The following FOXP1 variants were observed in gnomAD, a reference collection of about 807,000 sequenced individuals.
FOXP1 encodes the protein forkhead box protein P1.
FOXP1 carries 15 observed loss-of-function variants against 98.2 expected under a neutral mutation model. The observed-to-expected ratio is 0.15, with a 90% CI of 0.10 to 0.24. FOXP1 has a LOEUF of 0.24. Ranked by LOEUF, FOXP1 falls within the 10% of genes least tolerant of loss-of-function variation. FOXP1 has a pLI of 1.00. For synonymous variants in FOXP1, 371 were observed against 314.5 expected, an observed-to-expected ratio of 1.18 and a Z score of -1.90; for missense variants, 633 against 848.5, an observed-to-expected ratio of 0.75 and a Z score of 3.15.
rs138521324 is a variant in FOXP1, at chr3:71,500,098, A to C, written c.-297-6543T>G. On this transcript the variant is annotated intron_variant, in intron 2 of 20. Transcript: ENST00000649528. ...CCATTTAACTAACTTTGTTTCAGTG[A>C]AGTTCCCTAAAACTAACCAATCACT... Among the ~76,000 whole-genome samples the C allele has an allele frequency of 5.7e-3, 862 of 152,336 alleles. 4 individuals carry two copies. The highest frequency in any genetic ancestry group is 8.5e-3 in the Non-Finnish European group (578 of 68,022).
At chr3:71,166,302 G>C (rs749040703) in intron 6 of FOXP1, among the ~76,000 whole-genome samples, 15 of 152,144 alleles carry the variant, frequency 9.9e-5, no homozygotes, top group Non-Finnish European at 2.2e-4. Flanking sequence ...GACAAGAGCC[G>C]CTAGCGTGAC....
chr3:71,428,936 C>T (rs1211934151), intron 3 of FOXP1, among the ~76,000 whole-genome samples: 2 of 152,204 alleles, frequency 1.3e-5, no homozygotes, highest in African/African-American at 2.4e-5. Flanking sequence ...CCGTTCAGCT[C>T]GTCCATTCTA....
intron 5 of FOXP1, among the ~76,000 whole-genome samples, chr3:71,242,271 C>G (rs553799232): frequency 1.3e-5 from 2 of 152,228 alleles, no homozygotes; most frequent in South Asian, 4.1e-4. Flanking sequence ...TCATTCCAGC[C>G]CAAAGAGGGA....
chr3:71,542,638 C>T (rs2044951814), intron 2 of FOXP1, among the ~76,000 whole-genome samples: 1 of 152,234 alleles, frequency 6.6e-6, no homozygotes. Flanking sequence ...TGTGCCACAT[C>T]TGCAGTTGAT....
At chr3:71,560,215 A>G (rs1330205981) in intron 2 of FOXP1, among the ~76,000 whole-genome samples, 1 of 152,184 alleles carries the variant, frequency 6.6e-6, no homozygotes, top group Non-Finnish European at 1.5e-5. Flanking sequence ...TTTTCGCATC[A>G]TTATTGTCAC....
At chr3:71,555,337 A>G (rs1261536047) in intron 2 of FOXP1, among the ~76,000 whole-genome samples, 4 of 152,314 alleles carry the variant, frequency 2.6e-5, no homozygotes, top group African/African-American at 4.8e-5. Flanking sequence ...GGTGTTCATA[A>G]TGGTGTGCAC....
At chr3:71,074,269 G>T (rs566985991) in intron 7 of FOXP1, among the ~76,000 whole-genome samples, 2 of 152,186 alleles carry the variant, frequency 1.3e-5, no homozygotes, top group South Asian at 4.1e-4. Flanking sequence ...GCTCTCTCAT[G>T]CAGGCTGGAG....
intron 3 of FOXP1, among the ~76,000 whole-genome samples, chr3:71,440,991 A>G (rs1429927984): frequency 6.6e-5 from 10 of 152,238 alleles, no homozygotes; most frequent in Non-Finnish European, 1.2e-4. Flanking sequence ...TGCACCAGGT[A>G]TATGTTAGGA....
chr3:71,331,643 A>C (rs1426192034), intron 4 of FOXP1, among the ~76,000 whole-genome samples: 15 of 152,156 alleles, frequency 9.9e-5, no homozygotes, highest in Admixed American at 9.8e-4. Context: ...ATCTAGCTCA[A>C]GGTTTGTAAA....
chr3:71,375,580 A>G (rs1429980001), intron 3 of FOXP1, among the ~76,000 whole-genome samples: 8 of 152,230 alleles, frequency 5.3e-5, no homozygotes, highest in African/African-American at 1.9e-4. Context: ...TAAATGTTCC[A>G]TATCTGAGAA....
chr3:71,097,135 T>C (rs554137909), intron 7 of FOXP1, among the ~76,000 whole-genome samples: 46 of 152,224 alleles, frequency 3.0e-4, no homozygotes, highest in Non-Finnish European at 6.3e-4. Flanking sequence ...TCATATCCAG[T>C]CATCTAAAGC....
intron 20 of FOXP1, among the ~76,000 whole-genome samples, chr3:70,964,641 T>C (rs796999815): frequency 1.3e-5 from 2 of 152,328 alleles, no homozygotes; most frequent in African/African-American, 4.8e-5. Flanking sequence ...AACACTAAGT[T>C]GCTTTGGAAA....
intron 7 of FOXP1, among the ~76,000 whole-genome samples, chr3:71,061,816 A>C (rs1326564695): frequency 6.6e-6 from 1 of 152,166 alleles, no homozygotes; most frequent in Non-Finnish European, 1.5e-5. Flanking sequence ...AAATTCCTCC[A>C]ACCTTCGTTT....
intron 5 of FOXP1, among the ~76,000 whole-genome samples, chr3:71,233,363 G>A (rs975984144): frequency 2.0e-5 from 3 of 152,054 alleles, no homozygotes; most frequent in African/African-American, 7.2e-5. Flanking sequence ...CTGAGCTTCT[G>A]TAAATCCACA....
rs937379781 is a variant in FOXP1, at chr3:71,123,998, A to G, written c.181-11361T>C. Among the ~76,000 whole-genome samples the G allele has an allele frequency of 4.6e-5, 7 of 152,286 alleles. 1 individual carries two copies. Among genetic ancestry groups the G allele is most frequent in the Non-Finnish European group, 8.8e-5 (6 of 68,020 alleles). On this transcript the variant is annotated intron_variant, in intron 6 of 20. Coordinates refer to ENST00000649528, the MANE Select transcript of FOXP1 (RefSeq NM_001349338.3). Reference sequence around the variant, plus strand: ...AGGGAGAGAGACAGGGAGGGCGACAAGGGTGAAAAAATTAACTATTGGGTA... The same window carrying G: ...AGGGAGAGAGACAGGGAGGGCGACAGGGGTGAAAAAATTAACTATTGGGTA...
chr3:71,322,814 G>C (rs1173592192), intron 4 of FOXP1, among the ~76,000 whole-genome samples: 1 of 152,168 alleles, frequency 6.6e-6, no homozygotes, highest in Non-Finnish European at 1.5e-5. Context: ...CACTGGATGT[G>C]TTTTGTAGAA....
intron 6 of FOXP1, among the ~76,000 whole-genome samples, chr3:71,164,668 AAATCTTGTAGCT>A (rs2061319315): frequency 6.6e-6 from 1 of 152,264 alleles, no homozygotes. Flanking sequence ...ATTTTCACCA[AAATCTTGTAGCT>A]AATCTCTTCA....
chr3:71,253,241 C>G (rs1172859424), intron 5 of FOXP1, among the ~76,000 whole-genome samples: 1 of 152,176 alleles, frequency 6.6e-6, no homozygotes, highest in African/African-American at 2.4e-5. Context: ...TGGATAGATG[C>G]AGCAAATGCA....
At chr3:71,168,288 A>C (rs1326057558) in intron 6 of FOXP1, among the ~76,000 whole-genome samples, 1 of 143,288 alleles carries the variant, frequency 7.0e-6, no homozygotes, top group Admixed American at 7.1e-5. Flanking sequence ...AACCACAAGG[A>C]ATGAGTTTAA....
Sources: gnomAD v4.1 joint callset for allele counts (sites outside exome capture counted in the v4.1 genomes callset) on GRCh38, gnomAD v4.1.1 for gene constraint, MANE v1.5 for transcripts, NCBI Gene and HGNC (gene_info 2026-07-23, HGNC 2026-07-21) for gene names.